Variants in CUEDC1 observed in about 807,000 individuals in gnomAD.
CUEDC1 encodes the protein CUE domain-containing protein 1.
Under a neutral mutation model 43.7 loss-of-function variants are expected in CUEDC1, and 30 were observed. That is an observed-to-expected ratio of 0.69 (90% CI 0.51 to 0.93). The LOEUF (loss-of-function observed/expected upper bound fraction) is 0.93, where lower values mean the gene tolerates loss of function less well. CUEDC1 is among the 40% of genes least tolerant of loss of function. The pLI, the probability that CUEDC1 is intolerant of heterozygous loss-of-function variation, is 0.00. For missense variants in CUEDC1, 486 were observed against 549.0 expected (o/e 0.89, Z 1.15); for synonymous variants, 223 against 223.6 (o/e 1.00, Z 0.02).
chr17:57,873,499 C>G (rs2074064877), intron 4 of CUEDC1, 92 bp downstream of exon 4: 5 of 1,390,904 alleles, frequency 3.6e-6, no homozygotes, highest in Non-Finnish European at 3.8e-6. Context: ...GTTTAAACAT[C>G]AGGAAGTAAA....
intron 1 of CUEDC1, among the ~76,000 whole-genome samples, chr17:57,932,994 C>T (rs75756245): frequency 0.049 from 7,515 of 152,264 alleles, 286 homozygotes; most frequent in Admixed American, 0.12. Flanking sequence ...CTGGCCTCTA[C>T]CCACAAATGC....
At chr17:57,905,739 C>T (rs1227437809) in intron 1 of CUEDC1, among the ~76,000 whole-genome samples, 2 of 152,250 alleles carry the variant, frequency 1.3e-5, no homozygotes, top group East Asian at 1.9e-4. Context: ...ATGTGTACAC[C>T]GTACCATTTT....
intron 1 of CUEDC1, among the ~76,000 whole-genome samples, chr17:57,934,100 T>C (rs1396902361): frequency 2.6e-5 from 4 of 151,906 alleles, no homozygotes; most frequent in African/African-American, 4.8e-5. Context: ...TTCTCTACAA[T>C]ATAAAAATAA....
intron 1 of CUEDC1, among the ~76,000 whole-genome samples, chr17:57,943,512 C>T (rs1439890403): frequency 6.6e-6 from 1 of 152,220 alleles, no homozygotes; most frequent in Non-Finnish European, 1.5e-5. Context: ...AGAAATTCCA[C>T]TAAGAACCCC....
chr17:57,894,047 C>T (rs1287746389), intron 1 of CUEDC1, among the ~76,000 whole-genome samples: 3 of 152,102 alleles, frequency 2.0e-5, no homozygotes, highest in Admixed American at 6.5e-5. Context: ...GAGCCAAGAT[C>T]GTACCACTGC....
At chr17:57,865,769 G>C (rs1475607055) in intron 10 of CUEDC1, among the ~76,000 whole-genome samples, 1 of 152,016 alleles carries the variant, frequency 6.6e-6, no homozygotes, top group Non-Finnish European at 1.5e-5. Flanking sequence ...CAGGGGGCTG[G>C]AGAGAGTTGT....
In CUEDC1 at chr17:57,861,746, G is replaced by T. The variant is rs1483148827; in HGVS notation, c.*1543C>A. Reference sequence around the variant, plus strand: ...CACAGTGCGCCGGGTCCTGGCGCGGGGAAGGCTCAGAGACCCGTCGAGAAC... The same window carrying T: ...CACAGTGCGCCGGGTCCTGGCGCGGTGAAGGCTCAGAGACCCGTCGAGAAC... On this transcript the variant is annotated 3_prime_UTR_variant, in exon 11 of 11. Coordinates refer to ENST00000577830, the MANE Select transcript of CUEDC1 (RefSeq NM_001271875.2). 1 of 152,204 alleles carries T rather than the reference G, an allele frequency of 6.6e-6. No homozygotes were observed. The highest frequency in any genetic ancestry group is 2.1e-4 in the South Asian group (1 of 4,832). 9.4% of individuals were successfully genotyped at this position (152,204 alleles called of 1,614,324 possible). A position where few individuals can be genotyped will look rare whatever the true frequency, so the allele number is the denominator to read the frequency against.
At chr17:57,945,724 T>A (rs1429616036) in intron 1 of CUEDC1, among the ~76,000 whole-genome samples, 2 of 152,202 alleles carry the variant, frequency 1.3e-5, no homozygotes, top group Admixed American at 1.3e-4. Context: ...TTAACAATCA[T>A]TATGTAATAT....
At position 57,895,150 on chromosome 17, in the gene CUEDC1, T is replaced by C. The variant is rs557928239; in HGVS notation, c.-315-9271A>G. Reference sequence around the variant, plus strand: ...TCCCTACAGCTCTACAAGGTGCATATTACTACTGCTATTTCCACTTCATAG... The same window carrying C: ...TCCCTACAGCTCTACAAGGTGCATACTACTACTGCTATTTCCACTTCATAG... On this transcript the variant is annotated intron_variant, in intron 1 of 10. Transcript: ENST00000577830. Among the ~76,000 whole-genome samples, 97 of 152,366 alleles carry C rather than the reference T, an allele frequency of 6.4e-4. 1 individual carries two copies. The highest frequency in any genetic ancestry group is 2.3e-3 in the African/African-American group (96 of 41,588).
chr17:57,879,723 A>G lies in CUEDC1; in HGVS notation c.352T>C (p.Leu118=), dbSNP rs2074178333. 1 of 1,599,246 alleles carries G rather than the reference A, an allele frequency of 6.3e-7. No individual in the cohort carries two copies. Among genetic ancestry groups the G allele is most frequent in the South Asian group, 1.1e-5 (1 of 88,304 alleles). The change falls in exon 3 of 11, where the codon TTG becomes CTG. Residue 118 remains leucine, a synonymous_variant. Transcript: ENST00000577830. ...SIPPEILERT[L]EPDSSDEEPP... ...TCTTCATCCGAGCTATCAGGTTCCA[A>G]AGTCCTTTCCAAGATCTAAATCAGA...
chr17:57,951,086 C>G (rs1177909623), intron 1 of CUEDC1, among the ~76,000 whole-genome samples: 3 of 147,670 alleles, frequency 2.0e-5, no homozygotes, highest in African/African-American at 5.0e-5. Flanking sequence ...CTCTGCTCAT[C>G]ATTCAAGAGC....
intron 1 of CUEDC1, among the ~76,000 whole-genome samples, chr17:57,920,626 T>G (rs1180641881): frequency 8.0e-6 from 1 of 124,322 alleles, no homozygotes; most frequent in Non-Finnish European, 1.6e-5. Flanking sequence ...ATTTTCTTTT[T>G]CTTTTCTTTT....
chr17:57,916,743 C>T (rs2074646258), intron 1 of CUEDC1, among the ~76,000 whole-genome samples: 1 of 152,160 alleles, frequency 6.6e-6, no homozygotes, highest in Non-Finnish European at 1.5e-5. Flanking sequence ...GAGAACCAGT[C>T]CAAGCAAAAA....
intron 1 of CUEDC1, among the ~76,000 whole-genome samples, chr17:57,905,574 C>T (rs189021909): frequency 5.9e-5 from 9 of 152,314 alleles, no homozygotes; most frequent in African/African-American, 1.9e-4. Flanking sequence ...CACAGGCCCA[C>T]GCGTGCAAAG....
chr17:57,947,543 A>G (rs547933955), intron 1 of CUEDC1, among the ~76,000 whole-genome samples: 12 of 152,170 alleles, frequency 7.9e-5, no homozygotes, highest in Non-Finnish European at 1.5e-4. Context: ...TCACACCTGT[A>G]ATCCCAGTAC....
intron 1 of CUEDC1, among the ~76,000 whole-genome samples, chr17:57,944,516 C>T (rs2586083): frequency 0.89 from 135,351 of 152,318 alleles, 60,476 homozygotes; most frequent in East Asian, 1. Context: ...GGCCATTAGC[C>T]ATTATTAGAC....
chr17:57,934,463 AG>A (rs912222736), intron 1 of CUEDC1, among the ~76,000 whole-genome samples: 19 of 147,786 alleles, frequency 1.3e-4, no homozygotes, highest in Non-Finnish European at 4.5e-5. Context: ...AGGCTGAGGC[AG>A]GGGTATAGCT....
rs747788787 is a variant in CUEDC1, at chr17:57,896,767, C to CTT, written c.-315-10890_-315-10889dup. Among the ~76,000 whole-genome samples the CTT allele has an allele frequency of 4.4e-3, 492 of 112,192 alleles. 14 individuals are homozygous for CTT. Among genetic ancestry groups the CTT allele is most frequent in the African/African-American group, 9.6e-3 (275 of 28,734 alleles). 73.6% of individuals were successfully genotyped at this position (112,192 alleles called of 152,430 possible). A position where few individuals can be genotyped will look rare whatever the true frequency, so the allele number is the denominator to read the frequency against. The stretch of plus-strand genomic sequence containing the variant: ...TGATTTTTATATCTTTTTCTTCTTT[C>CTT]TTTTTTTTTTTTTTTTTTTTTGAGA... On this transcript the variant is annotated intron_variant, in intron 1 of 10. Transcript: ENST00000577830.
At chr17:57,920,617 TTTTC>T (rs2074688710) in intron 1 of CUEDC1, among the ~76,000 whole-genome samples, 1 of 134,660 alleles carries the variant, frequency 7.4e-6, no homozygotes, top group African/African-American at 2.7e-5. Context: ...ATTATCTGAA[TTTTC>T]TTTTTCTTTT....
Sources: allele counts gnomAD v4.1 joint callset (sites outside exome capture counted in the v4.1 genomes callset), GRCh38; gene constraint gnomAD v4.1.1; transcripts MANE v1.5; gene names NCBI Gene and HGNC (gene_info 2026-07-23, HGNC 2026-07-21).